Variants in TENM2 observed in about 807,000 individuals in gnomAD.
The protein encoded by TENM2 is teneurin transmembrane protein 2.
TENM2 carries 52 observed loss-of-function variants against 245.2 expected under a neutral mutation model. The observed-to-expected ratio is 0.21, with a 90% confidence interval of 0.17 to 0.27. The LOEUF (loss-of-function observed/expected upper bound fraction) is 0.27, where lower values mean the gene tolerates loss of function less well. Ranked by LOEUF, TENM2 falls within the 10% of genes least tolerant of loss-of-function variation. The probability of loss-of-function intolerance (pLI) is 1.00; values close to 1 mark genes in which losing one functional copy is unlikely to be tolerated. For missense variants in TENM2, 3,046 were observed against 3,666.8 expected (o/e 0.83, Z 4.37); for synonymous variants, 1,363 against 1,438.9 (o/e 0.95, Z 1.19).
intron 1 of TENM2, among the ~76,000 whole-genome samples, chr5:167,333,519 C>T (rs1343062038): frequency 2.6e-5 from 4 of 152,140 alleles, no homozygotes; most frequent in Non-Finnish European, 4.4e-5. Context: ...CAAAGTCTTT[C>T]AACTGAAAAG....
At chr5:167,706,118 TTATACCAGTATA>T (rs1758502576) in intron 2 of TENM2, among the ~76,000 whole-genome samples, 1 of 145,934 alleles carries the variant, frequency 6.9e-6, no homozygotes, top group South Asian at 2.1e-4. Context: ...ATATGTATAA[TTATACCAGTATA>T]TATACCAGTA....
At chr5:167,759,353 C>T (rs1762512517) in intron 2 of TENM2, among the ~76,000 whole-genome samples, 1 of 151,938 alleles carries the variant, frequency 6.6e-6, no homozygotes, top group Admixed American at 6.6e-5. Context: ...GTAAGTGCTC[C>T]ATAAATGTTA....
At chr5:168,116,845 C>T (rs1435136973) in intron 9 of TENM2, among the ~76,000 whole-genome samples, 6 of 152,044 alleles carry the variant, frequency 3.9e-5, no homozygotes, top group African/African-American at 1.2e-4. Flanking sequence ...GGCGCTCACC[C>T]GGGTTGTAGA....
At chr5:167,356,217 A>AAAGAAAAATT (rs1759321150) in intron 1 of TENM2, among the ~76,000 whole-genome samples, 1 of 129,104 alleles carries the variant, frequency 7.7e-6, no homozygotes, top group African/African-American at 3.2e-5. Flanking sequence ...AAAAAAAAAA[A>AAAGAAAAATT]AAAATTAAAA....
intron 1 of TENM2, among the ~76,000 whole-genome samples, chr5:167,311,163 G>A (rs1212735033): frequency 6.6e-6 from 1 of 152,162 alleles, no homozygotes; most frequent in Non-Finnish European, 1.5e-5. Flanking sequence ...CAGGGGACAG[G>A]TGCCAGATGA....
intron 25 of TENM2, among the ~76,000 whole-genome samples, chr5:168,236,360 T>G (rs1193146750): frequency 6.6e-6 from 1 of 152,152 alleles, no homozygotes; most frequent in Non-Finnish European, 1.5e-5. Flanking sequence ...CCACCTGCAC[T>G]AGAATACTCA....
At chr5:168,061,969 A>C in intron 6 of TENM2, 91 bp from the exon 9 acceptor site, 1 of 1,114,256 alleles carries the variant, frequency 9.0e-7, no homozygotes, top group Non-Finnish European at 1.2e-6. Flanking sequence ...AAACAACAAC[A>C]AAAAAAAACC....
chr5:168,139,841 C>CT (rs1755380257), intron 12 of TENM2, among the ~76,000 whole-genome samples: 1 of 152,212 alleles, frequency 6.6e-6, no homozygotes, highest in Admixed American at 6.5e-5. Context: ...AAATGCAAGC[C>CT]TAGTCTTCCC....
the TENM2 span, among the ~76,000 whole-genome samples, chr5:167,016,414 G>A: frequency 2.0e-5 from 3 of 151,720 alleles, no homozygotes; most frequent in African/African-American, 7.3e-5. Context: ...CTGGTTTTGA[G>A]TGTAACAGAA....
At chr5:167,930,453 T>TTTTATTTATTTATTTATTTA (rs142148292) in intron 3 of TENM2, among the ~76,000 whole-genome samples, 1 of 148,112 alleles carries the variant, frequency 6.8e-6, no homozygotes, top group African/African-American at 2.5e-5. Context: ...TTTCTTAGAA[T>TTTTATTTATTTATTTATTTA]TTTATTTATT....
chr5:167,068,983 C>T, the TENM2 span, among the ~76,000 whole-genome samples: 3 of 152,048 alleles, frequency 2.0e-5, no homozygotes, highest in Non-Finnish European at 2.9e-5. Context: ...CGTTTGAACT[C>T]GTCATTTCAT....
rs531620029 is a variant in TENM2, at chr5:167,463,827, G to T, written c.502+88354G>T. Among the ~76,000 whole-genome samples, 11 of 152,274 alleles carry T rather than the reference G, an allele frequency of 7.2e-5. No individual in the cohort carries two copies. In the East Asian group the frequency reaches 2.1e-3, roughly 29 times the overall value. On this transcript the variant is annotated intron_variant, in intron 2 of 28. Coordinates refer to ENST00000518659, the Ensembl canonical transcript of TENM2. ...ATTTAATGTTATACATGGGATATTAGTTTTATTTAAACTTTGCAAGAGTGT... is the reference window on the plus strand; with the variant it reads ...ATTTAATGTTATACATGGGATATTATTTTTATTTAAACTTTGCAAGAGTGT...
At chr5:168,118,344 C>T (rs1250665629) in exon 10 of TENM2, 8 of 1,610,294 alleles carry the variant, frequency 5.0e-6, no homozygotes, top group Non-Finnish European at 6.8e-6. Context: ...AAGGGACGTG[C>T]CAGTGCTACA....
At chr5:168,252,120 G>T (rs11950425) in intron 27 of TENM2, among the ~76,000 whole-genome samples, 7,306 of 152,224 alleles carry the variant, frequency 0.048, 236 homozygotes, top group African/African-American at 0.091. Flanking sequence ...GCTTAGGCCT[G>T]TAATACCAGC....
chr5:168,258,984 A>C (rs1581795775), intron 27 of TENM2, among the ~76,000 whole-genome samples: 1 of 151,658 alleles, frequency 6.6e-6, no homozygotes, highest in Non-Finnish European at 1.5e-5. Flanking sequence ...GGAGTTGGAG[A>C]CCAGCCTGGC....
chr5:166,998,418 T>C, the TENM2 span, among the ~76,000 whole-genome samples: 2 of 152,202 alleles, frequency 1.3e-5, no homozygotes, highest in South Asian at 4.1e-4. Flanking sequence ...CCAATGTTAC[T>C]GTACCTAAAT....
intron 4 of TENM2, among the ~76,000 whole-genome samples, chr5:167,955,318 G>GT (rs1438503352): frequency 4.3e-4 from 65 of 151,726 alleles, no homozygotes; most frequent in Non-Finnish European, 6.5e-4. Context: ...GGGGTTGTTT[G>GT]TTTTTTTCTT....
chr5:168,164,668 A>C (rs1758061231), intron 13 of TENM2, among the ~76,000 whole-genome samples: 1 of 152,184 alleles, frequency 6.6e-6, no homozygotes, highest in Admixed American at 6.5e-5. Flanking sequence ...AGGTTGGGTT[A>C]GCATGTGGGC....
intron 24 of TENM2, among the ~76,000 whole-genome samples, chr5:168,227,493 G>GAA (rs10674120): frequency 0.64 from 95,810 of 150,342 alleles, 32,455 homozygotes; most frequent in African/African-American, 0.89. Context: ...GCAAAAGGAG[G>GAA]AAAACTGAAG....
Sources: gnomAD v4.1 joint callset for allele counts (sites outside exome capture counted in the v4.1 genomes callset) on GRCh38, gnomAD v4.1.1 for gene constraint, MANE v1.5 for transcripts, NCBI Gene and HGNC (gene_info 2026-07-23, HGNC 2026-07-21) for gene names.